The following SLC29A3 variants were observed in gnomAD, a reference collection of about 807,000 sequenced individuals.
SLC29A3 encodes solute carrier family 29 member 3, also known as equilibrative nucleoside transporter 3.
SLC29A3 carries 18 observed loss-of-function variants against 25.4 expected under a neutral mutation model. That is an observed-to-expected ratio of 0.71 (90% CI 0.49 to 1.05). The LOEUF is 1.05. Among genes scored for constraint, SLC29A3 ranks in the 50% least tolerant of loss-of-function variants. SLC29A3 has a pLI of 0.00. For synonymous variants in SLC29A3, 258 were observed against 267.1 expected (o/e 0.97, Z 0.33); for missense variants, 586 against 609.0 (o/e 0.96, Z 0.40).
intron 3 of SLC29A3, among the ~76,000 whole-genome samples, chr10:71,350,209 C>T (rs1449683558): frequency 6.6e-6 from 1 of 152,152 alleles, no homozygotes; most frequent in Non-Finnish European, 1.5e-5. Flanking sequence ...AGCACCTGCT[C>T]TCCCTTTAGC....
At chr10:71,337,241 C>A (rs191324182) in intron 2 of SLC29A3, among the ~76,000 whole-genome samples, 1 of 152,340 alleles carries the variant, frequency 6.6e-6, no homozygotes, top group African/African-American at 2.4e-5. Flanking sequence ...AACACAGGGC[C>A]TTGGAACTTG....
intron 2 of SLC29A3, among the ~76,000 whole-genome samples, chr10:71,327,878 A>T (rs907939714): frequency 6.6e-6 from 1 of 151,804 alleles, no homozygotes; most frequent in African/African-American, 2.4e-5. Flanking sequence ...GTTTAGCTGG[A>T]GGTCCTCCCC....
rs1406661422 is a variant in SLC29A3, at chr10:71,375,081, TGA to T, written c.*95-608_*95-607del. ...TGGGAGTACAGAAGTAGCAGGCTTG[TGA>T]GAGAGCTTTGTGAACTGCAAAAACC... is the stretch of plus-strand genomic sequence containing the variant. On this transcript the variant is annotated intron_variant and NMD_transcript_variant, in intron 3 of 4. Transcript: ENST00000642772. 3.9e-5 allele frequency among the ~76,000 whole-genome samples: 6 copies of T among 152,342 alleles called. No individual in the cohort carries two copies. In the East Asian group the frequency reaches 9.6e-4, roughly 24 times the overall value.
downstream of SLC29A3, among the ~76,000 whole-genome samples, chr10:71,367,755 T>G (rs867518013): frequency 6.6e-5 from 10 of 152,188 alleles, no homozygotes; most frequent in South Asian, 2.1e-4. Context: ...TGCTCTCTGC[T>G]AAGAACAGTT....
chr10:71,372,030 A>T (rs956079830), intron 3 of SLC29A3, among the ~76,000 whole-genome samples: 2 of 152,228 alleles, frequency 1.3e-5, no homozygotes, highest in African/African-American at 4.8e-5. Context: ...GCTGGGGAAT[A>T]AACCAGATCT....
chr10:71,339,497 AG>A (rs1459575290), intron 2 of SLC29A3, among the ~76,000 whole-genome samples: 3 of 152,108 alleles, frequency 2.0e-5, no homozygotes, highest in Non-Finnish European at 4.4e-5. Context: ...TTGAGAATTC[AG>A]AGGTGACTGA....
At chr10:71,351,163 A>G (rs527904075) in intron 3 of SLC29A3, among the ~76,000 whole-genome samples, 1 of 152,332 alleles carries the variant, frequency 6.6e-6, no homozygotes, top group Non-Finnish European at 1.5e-5. Flanking sequence ...GCCCTGTGGC[A>G]GGAAGAGCAG....
chr10:71,323,279 T>C (rs921368334), intron 2 of SLC29A3, among the ~76,000 whole-genome samples: 6 of 152,274 alleles, frequency 3.9e-5, no homozygotes, highest in Admixed American at 3.9e-4. Flanking sequence ...AATAGTGTTA[T>C]GTTCAGCTAT....
chr10:71,323,138 A>G, intron 2 of SLC29A3, 84 bp downstream of exon 2: 1 of 1,540,438 alleles, frequency 6.5e-7, no homozygotes, highest in Non-Finnish European at 8.9e-7. Context: ...GAGATTTCAG[A>G]CACATTTCCA....
At chr10:71,322,699 C>A (rs1845875254) in intron 1 of SLC29A3, 57 bp from the exon 2 acceptor site, 3 of 1,607,518 alleles carry the variant, frequency 1.9e-6, no homozygotes, top group East Asian at 2.2e-5. Context: ...CCAGCTGTCC[C>A]CCAGCCTTGG....
intron 2 of SLC29A3, among the ~76,000 whole-genome samples, chr10:71,341,186 A>C (rs75395956): frequency 6.6e-6 from 1 of 151,994 alleles, no homozygotes. Flanking sequence ...GGTGCAGCCT[A>C]GCAGGGCGTG....
intron 2 of SLC29A3, among the ~76,000 whole-genome samples, chr10:71,330,783 A>C (rs1188490486): frequency 1.3e-5 from 2 of 152,234 alleles, no homozygotes; most frequent in Non-Finnish European, 2.9e-5. Context: ...CTAAGGGCAC[A>C]GATTCATTCA....
At chr10:71,336,645 G>T (rs1846260982) in intron 2 of SLC29A3, among the ~76,000 whole-genome samples, 1 of 151,786 alleles carries the variant, frequency 6.6e-6, no homozygotes, top group African/African-American at 2.4e-5. Flanking sequence ...AAGCAGCAGT[G>T]AGGGAAAGAG....
At chr10:71,376,873 C>CCTGCCT (rs1438861346) in intron 4 of SLC29A3, among the ~76,000 whole-genome samples, 1 of 152,156 alleles carries the variant, frequency 6.6e-6, no homozygotes, top group Non-Finnish European at 1.5e-5. Flanking sequence ...AGGAGATTCT[C>CCTGCCT]CTGCCTCTGC....
At chr10:71,374,689 G>A (rs1199311591) in intron 3 of SLC29A3, among the ~76,000 whole-genome samples, 2 of 152,208 alleles carry the variant, frequency 1.3e-5, no homozygotes, top group Non-Finnish European at 2.9e-5. Flanking sequence ...AGCAGCCAGC[G>A]ACTTCACCAC....
downstream of SLC29A3, among the ~76,000 whole-genome samples, chr10:71,367,532 A>G (rs1847179686): frequency 6.6e-6 from 1 of 152,206 alleles, no homozygotes. Context: ...GAGATGCACC[A>G]GGGGTCACAG....
At position 71,322,776 on chromosome 10, in the gene SLC29A3, G is replaced by A. The variant is rs558547846; in HGVS notation, c.22G>A (p.Asp8Asn). MAVVSED[D>N]FQHSSNSTYR... The stretch of plus-strand genomic sequence containing the variant: ...AATAGTGGCCGTTGTCTCAGAGGAC[G>A]ACTTTCAGCACAGTTCAAACTCCAC... The change falls in exon 2 of 6, where the codon GAC becomes AAC. Residue 8 changes from aspartate (D) to asparagine (N), a missense_variant. Transcript: ENST00000373189. 147 of 1,613,998 alleles carry A rather than the reference G, an allele frequency of 9.1e-5. 1 individual carries two copies. Among genetic ancestry groups the A allele is most frequent in the Non-Finnish European group, 1.2e-4 (138 of 1,180,046 alleles).
intron 3 of SLC29A3, among the ~76,000 whole-genome samples, chr10:71,349,092 C>T (rs1846676350): frequency 6.6e-6 from 1 of 152,210 alleles, no homozygotes; most frequent in South Asian, 2.1e-4. Flanking sequence ...AGGTAAGTAA[C>T]ACCACTCCTG....
intron 2 of SLC29A3, among the ~76,000 whole-genome samples, chr10:71,337,151 C>A (rs780658): frequency 6.6e-6 from 1 of 152,110 alleles, no homozygotes; most frequent in Non-Finnish European, 1.5e-5. Context: ...GCATTGCCCC[C>A]CTTCCCTGCC....
Sources: gnomAD v4.1 joint callset for allele counts (sites outside exome capture counted in the v4.1 genomes callset) on GRCh38, gnomAD v4.1.1 for gene constraint, MANE v1.5 for transcripts, NCBI Gene and HGNC (gene_info 2026-07-23, HGNC 2026-07-21) for gene names.